EPHA5: variants seen among roughly 807,000 people sequenced by gnomAD.
EPHA5 encodes EPH receptor A5, also known as ephrin type-A receptor 5.
EPHA5 carries 60 observed loss-of-function variants against 105.0 expected under a neutral mutation model. The ratio of observed to expected loss-of-function variants is 0.57; its 90% CI spans 0.46 to 0.71. The LOEUF is 0.71. Ranked by LOEUF, EPHA5 falls within the 30% of genes least tolerant of loss-of-function variation. The probability of loss-of-function intolerance (pLI) is 0.00; values close to 1 mark genes in which losing one functional copy is unlikely to be tolerated. For synonymous variants in EPHA5, 513 were observed against 449.1 expected (o/e 1.14, Z -1.80); for missense variants, 1,218 against 1,274.7 (o/e 0.96, Z 0.68).
intron 8 of EPHA5, among the ~76,000 whole-genome samples, chr4:65,393,324 C>T (rs1210874261): frequency 6.6e-6 from 1 of 152,150 alleles, no homozygotes; most frequent in Non-Finnish European, 1.5e-5. Context: ...GGTCTCAGTG[C>T]TACTGATTGA....
At chr4:65,603,059 A>T (rs944228387) in intron 2 of EPHA5, among the ~76,000 whole-genome samples, 2 of 152,082 alleles carry the variant, frequency 1.3e-5, no homozygotes, top group Non-Finnish European at 2.9e-5. Context: ...ACTTCTTGCG[A>T]TATGTTGGGA....
intron 14 of EPHA5, among the ~76,000 whole-genome samples, chr4:65,345,116 T>C (rs868116807): frequency 2.0e-4 from 31 of 152,290 alleles, no homozygotes; most frequent in African/African-American, 5.8e-4. Flanking sequence ...TAAATATATG[T>C]AACAGGAATT....
At chr4:65,578,843 G>A (rs1741325374) in intron 3 of EPHA5, among the ~76,000 whole-genome samples, 1 of 151,976 alleles carries the variant, frequency 6.6e-6, no homozygotes, top group Non-Finnish European at 1.5e-5. Flanking sequence ...ACTCAATCTA[G>A]CATGCTTCTA....
intron 6 of EPHA5, among the ~76,000 whole-genome samples, chr4:65,417,883 A>T (rs1723544571): frequency 6.6e-6 from 1 of 152,258 alleles, no homozygotes; most frequent in East Asian, 1.9e-4. Context: ...TATATACATA[A>T]TGAAACTAAT....
chr4:65,413,625 T>C (rs1723118284), intron 7 of EPHA5, among the ~76,000 whole-genome samples: 1 of 152,166 alleles, frequency 6.6e-6, no homozygotes, highest in South Asian at 2.1e-4. Flanking sequence ...TTCACAATAC[T>C]GTGTATTTCC....
chr4:65,597,257 T>G (rs1743282720), intron 3 of EPHA5, among the ~76,000 whole-genome samples: 1 of 152,170 alleles, frequency 6.6e-6, no homozygotes, highest in South Asian at 2.1e-4. Flanking sequence ...CTAGGGCTAA[T>G]TTCAAATTAC....
intron 5 of EPHA5, among the ~76,000 whole-genome samples, chr4:65,436,127 C>G (rs62298041): frequency 6.6e-6 from 1 of 151,790 alleles, no homozygotes; most frequent in African/African-American, 2.4e-5. Flanking sequence ...ATGAGAGTTG[C>G]TTAATTTGAC....
chr4:65,359,519 T>C (rs960119907), intron 11 of EPHA5, among the ~76,000 whole-genome samples: 1 of 151,630 alleles, frequency 6.6e-6, no homozygotes. Context: ...AGCTTAATCT[T>C]GTTCCTCATA....
At chr4:65,441,106 C>T (rs1725968615) in intron 5 of EPHA5, among the ~76,000 whole-genome samples, 1 of 152,006 alleles carries the variant, frequency 6.6e-6, no homozygotes, top group Non-Finnish European at 1.5e-5. Context: ...TGGATAATCC[C>T]TGTCAATATA....
intron 3 of EPHA5, among the ~76,000 whole-genome samples, chr4:65,590,832 A>G (rs1386394616): frequency 2.0e-5 from 3 of 152,156 alleles, no homozygotes; most frequent in African/African-American, 7.2e-5. Flanking sequence ...CTAGGATGTA[A>G]CAGTACTTTT....
intron 3 of EPHA5, among the ~76,000 whole-genome samples, chr4:65,562,703 G>A (rs1481797084): frequency 6.6e-6 from 1 of 152,014 alleles, no homozygotes; most frequent in African/African-American, 2.4e-5. Context: ...CAAAAGGCAA[G>A]ATTATTGTAT....
intron 2 of EPHA5, among the ~76,000 whole-genome samples, chr4:65,637,954 G>T (rs1259784921): frequency 1.3e-5 from 2 of 152,078 alleles, no homozygotes; most frequent in African/African-American, 4.8e-5. Context: ...CAGGTGCAAT[G>T]ATTGTTTTTA....
chr4:65,552,010 A>C (rs1475942846), intron 3 of EPHA5, among the ~76,000 whole-genome samples: 3 of 152,184 alleles, frequency 2.0e-5, no homozygotes, highest in Non-Finnish European at 4.4e-5. Flanking sequence ...ACCTTAAACA[A>C]GCTGAGCAAT....
intron 3 of EPHA5, among the ~76,000 whole-genome samples, chr4:65,503,431 G>A (rs899906017): frequency 1.3e-5 from 2 of 151,710 alleles, no homozygotes; most frequent in Non-Finnish European, 2.9e-5. Flanking sequence ...GGTCCTACTT[G>A]AGAATCTAGG....
At position 65,321,396 on chromosome 4, in the gene EPHA5, T is replaced by C. The variant is rs1427555376; in HGVS notation, c.*2718A>G. ...TACTAGAGTTGGCTCCTCTCCTTGT[T>C]CCATTTCTCACACTTGCAGATGAGA... On this transcript the variant is annotated 3_prime_UTR_variant, in exon 17 of 17. Transcript: ENST00000613740. The C allele has an allele frequency of 1.3e-5, 3 of 230,362 alleles. No individual in the cohort carries two copies. The highest frequency in any genetic ancestry group is 2.6e-5 in the Non-Finnish European group (3 of 116,252). The allele number at this position is 230,362 out of a possible 1,614,324, so 14.3% of individuals were successfully genotyped here.
chr4:65,580,315 T>G (rs1736292166), intron 3 of EPHA5, among the ~76,000 whole-genome samples: 1 of 152,060 alleles, frequency 6.6e-6, no homozygotes, highest in South Asian at 2.1e-4. Context: ...AATAAAATTC[T>G]AATTAACAGT....
intron 7 of EPHA5, among the ~76,000 whole-genome samples, chr4:65,413,589 C>T (rs193227677): frequency 2.0e-5 from 3 of 152,234 alleles, no homozygotes; most frequent in Admixed American, 2.0e-4. Flanking sequence ...CACACACACA[C>T]AGACACACAT....
Position 65,628,328 on chromosome 4 carries a change from G to A in EPHA5, c.246+15035C>T, listed in dbSNP as rs1746332199. On this transcript the variant is annotated intron_variant, in intron 2 of 16. Coordinates refer to ENST00000613740, the MANE Select transcript of EPHA5 (RefSeq NM_001281766.3). ...TCAAAGGACAGCACAATACATGTAA[G>A]TGTCAGGAATGAACTTCAATGTATG... Among the ~76,000 whole-genome samples the A allele has an allele frequency of 2.0e-5, 3 of 152,128 alleles. No individual in the cohort carries two copies. In the South Asian group the frequency reaches 6.2e-4, roughly 32 times the overall value.
At chr4:65,386,421 T>C (rs1173685304) in intron 8 of EPHA5, among the ~76,000 whole-genome samples, 9 of 152,014 alleles carry the variant, frequency 5.9e-5, no homozygotes, top group African/African-American at 2.2e-4. Context: ...GAAGGGCCAT[T>C]TGTCAATATG....
Sources: allele counts gnomAD v4.1 joint callset (sites outside exome capture counted in the v4.1 genomes callset), GRCh38; gene constraint gnomAD v4.1.1; transcripts MANE v1.5; gene names NCBI Gene and HGNC (gene_info 2026-07-23, HGNC 2026-07-21).